LRP2: variants seen among roughly 807,000 people sequenced by gnomAD.
LRP2 encodes the protein LDL receptor related protein 2.
Under a neutral mutation model 531.0 loss-of-function variants are expected in LRP2, and 172 were observed. The ratio of observed to expected loss-of-function variants is 0.32; its 90% confidence interval spans 0.29 to 0.37. The LOEUF is 0.37. Ranked by LOEUF, LRP2 falls within the 10% of genes least tolerant of loss-of-function variation. The pLI is 1.00. For synonymous variants in LRP2, 1,992 were observed against 2,027.6 expected (o/e 0.98, Z 0.47); for missense variants, 5,167 against 5,868.3 (o/e 0.88, Z 3.90).
At chr2:169,316,254 T>G (rs1444253913) in intron 3 of LRP2, among the ~76,000 whole-genome samples, 1 of 152,106 alleles carries the variant, frequency 6.6e-6, no homozygotes, top group Non-Finnish European at 1.5e-5. Flanking sequence ...GGTGATTCAA[T>G]GTGGGCAGTG....
chr2:169,264,012 T>C (rs543644305), intron 16 of LRP2, among the ~76,000 whole-genome samples: 78 of 152,058 alleles, frequency 5.1e-4, no homozygotes, highest in Admixed American at 8.5e-4. Flanking sequence ...AACCAAACAC[T>C]GCATATTCTC....
At position 169,130,022 on chromosome 2, in the gene LRP2, T is replaced by C. The variant is rs144037485; in HGVS notation, c.13729-938A>G. ...TACAGAAGTAGAAGAGGTCTTCACT[T>C]TAACCCACATTCAAGTGAGAACCTG... is the stretch of plus-strand genomic sequence containing the variant. On this transcript the variant is annotated intron_variant, in intron 77 of 78. Coordinates refer to ENST00000649046, the MANE Select transcript of LRP2 (RefSeq NM_004525.3). Among the ~76,000 whole-genome samples the C allele has an allele frequency of 2.6e-3, 392 of 152,278 alleles. 3 individuals carry two copies. Among genetic ancestry groups the C allele is most frequent in the Non-Finnish European group, 4.2e-3 (283 of 68,014 alleles).
Position 169,290,861 on chromosome 2 carries a change from A to G in LRP2, c.906T>C (p.Ser302=). ...CPGREDENNT[S]TGKYCSMTLC... is the part of the protein sequence containing the mutation. ...TATACTCACTACAGTATTTTCCGGT[A>G]CTAGTGTTGTTTTCATCTTCTCTTC... Residue 302 remains serine, a synonymous_variant, in exon 8 of 79, where the codon AGT becomes AGC. Transcript: ENST00000649046. 6.2e-7 allele frequency: 1 copy of G among 1,614,116 alleles called. No homozygotes were observed. Among genetic ancestry groups the G allele is most frequent in the Non-Finnish European group, 8.5e-7 (1 of 1,179,990 alleles).
intron 49 of LRP2, 62 bp from the exon 50 acceptor site, chr2:169,186,081 T>C: frequency 2.1e-6 from 3 of 1,457,010 alleles, no homozygotes; most frequent in Non-Finnish European, 2.9e-6. Context: ...ACTATAATGG[T>C]TCAAAGTCAA....
chr2:169,262,943 A>G (rs36198025), intron 16 of LRP2, among the ~76,000 whole-genome samples: 37,260 of 152,080 alleles, frequency 0.25, 4,777 homozygotes, highest in South Asian at 0.32. Context: ...ATAACGCCGT[A>G]TATCTACAAC....
Position 169,362,451 on chromosome 2 carries a change from G to T in LRP2, c.-52C>A. 1 of 1,436,000 alleles carries T rather than the reference G, an allele frequency of 7.0e-7. No homozygotes were observed. Among genetic ancestry groups the T allele is most frequent in the South Asian group, 1.2e-5 (1 of 81,978 alleles). The allele number at this position is 1,436,000 out of a possible 1,614,324, so 89.0% of individuals were successfully genotyped here. ...TTCCTTCCCCGGGAGGTGGGCGCGC[G>T]TAGCACACCGCACCGGCAGCGCCTC... On this transcript the variant is annotated 5_prime_UTR_variant, in exon 1 of 79. Coordinates refer to ENST00000649046, the MANE Select transcript of LRP2 (RefSeq NM_004525.3).
intron 16 of LRP2, among the ~76,000 whole-genome samples, chr2:169,261,064 G>C (rs1315404544): frequency 6.6e-6 from 1 of 152,032 alleles, no homozygotes; most frequent in African/African-American, 2.4e-5. Context: ...CAAGAGGTGA[G>C]TAATCAGTGA....
rs112343092 is a variant in LRP2, at chr2:169,290,876, A to G, written c.891T>C (p.Asp297=). The change falls in exon 8 of 79, where the codon GAT becomes GAC. Residue 297 remains aspartate (D), a synonymous_variant. Transcript: ENST00000649046. ...ATTTTCCGGTACTAGTGTTGTTTTCATCTTCTCTTCCTGGGCAATCTAAAA... is the reference window on the plus strand; with the variant it reads ...ATTTTCCGGTACTAGTGTTGTTTTCGTCTTCTCTTCCTGGGCAATCTAAAA... ...DGILDCPGRE[D]ENNTSTGKYC... 1.6e-4 allele frequency: 258 copies of G among 1,614,142 alleles called. 1 individual carries two copies. In the African/African-American group the frequency reaches 2.5e-3, roughly 15 times the overall value.
Position 169,237,231 on chromosome 2 carries a change from A to T in LRP2, c.4563T>A (p.Arg1521=). ...GAGCATAGTCTGTCCAGTAAAGATT[A>T]CGACCTACCCAATCTATTGCAATAG... ...TETIAIDWVG[R]NLYWTDYALE... is the part of the protein sequence containing the mutation. Residue 1521 remains arginine, a synonymous_variant, in exon 28 of 79, where the codon CGT becomes CGA. Transcript: ENST00000649046. The T allele has an allele frequency of 1.2e-6, 2 of 1,613,944 alleles. No individual in the cohort carries two copies. Among genetic ancestry groups the T allele is most frequent in the Non-Finnish European group, 1.7e-6 (2 of 1,179,836 alleles).
Position 169,319,020 on chromosome 2 carries a change from T to C in LRP2, c.188-136A>G, listed in dbSNP as rs13386674. Reference sequence around the variant, plus strand: ...GAAGGCAAATAGTAAACAACCCTTATACTAGAGTCTGTGGACGCCAGTCAG... The same window carrying C: ...GAAGGCAAATAGTAAACAACCCTTACACTAGAGTCTGTGGACGCCAGTCAG... On this transcript the variant is annotated intron_variant, in intron 2 of 78. Coordinates refer to ENST00000649046, the MANE Select transcript of LRP2 (RefSeq NM_004525.3). The C allele has an allele frequency of 4.5e-3, 4,900 of 1,080,860 alleles. 143 individuals carry two copies. In the African/African-American group the frequency reaches 0.068, roughly 15 times the overall value. 67.0% of individuals were successfully genotyped at this position (1,080,860 alleles called of 1,614,324 possible). A position where few individuals can be genotyped will look rare whatever the true frequency, so the allele number is the denominator to read the frequency against.
At chr2:169,274,272 A>G (rs1446785547) in intron 14 of LRP2, among the ~76,000 whole-genome samples, 1 of 152,162 alleles carries the variant, frequency 6.6e-6, no homozygotes, top group Non-Finnish European at 1.5e-5. Flanking sequence ...CTCAAGCTAT[A>G]ACCTGGAAAC....
intron 1 of LRP2, among the ~76,000 whole-genome samples, chr2:169,330,745 C>T (rs981716777): frequency 2.6e-5 from 4 of 152,070 alleles, no homozygotes; most frequent in Admixed American, 1.3e-4. Context: ...ACATCTATGC[C>T]GCTTGAGAGT....
Position 169,279,561 on chromosome 2 carries a change from T to C in LRP2, c.1376A>G (p.Gln459Arg). The C allele has an allele frequency of 6.2e-7, 1 of 1,613,780 alleles. No individual in the cohort carries two copies. Among genetic ancestry groups the C allele is most frequent in the Non-Finnish European group, 8.5e-7 (1 of 1,179,730 alleles). ...FSVDINGLNI[Q>R]EVLNVSVETP... ...TTCAACAGAAACATTGAGAACCTCTTGGATATTTAAACCATTAATGTCAAC... is the reference window on the plus strand; with the variant it reads ...TTCAACAGAAACATTGAGAACCTCTCGGATATTTAAACCATTAATGTCAAC... Residue 459 changes from glutamine to arginine, a missense_variant, in exon 12 of 79, where the codon CAA (glutamine) becomes CGA (arginine). Physicochemically the swap from Gln to Arg is conservative, Grantham distance 43. Coordinates refer to ENST00000649046, the MANE Select transcript of LRP2 (RefSeq NM_004525.3).
chr2:169,271,771 C>G, intron 15 of LRP2: 1 of 770,122 alleles, frequency 1.3e-6, no homozygotes, highest in Non-Finnish European at 1.6e-6. Context: ...GAGATCTACA[C>G]CAAGAACCTT....
Position 169,292,356 on chromosome 2 carries a change from G to A in LRP2, c.666C>T (p.Cys222=), listed in dbSNP as rs746905339. ...TGGGGCAAGTGAACTGGTAACCACC[G>A]CAGGTCGGATAGTCTGGAATAAAGC... ...SDEHACNYPT[C]GGYQFTCPSG... is the part of the protein sequence containing the mutation. The change falls in exon 7 of 79, where the codon TGC becomes TGT. Residue 222 remains cysteine, a synonymous_variant. Coordinates refer to ENST00000649046, the MANE Select transcript of LRP2 (RefSeq NM_004525.3). 21 of 1,612,098 alleles carry A rather than the reference G, an allele frequency of 1.3e-5. No homozygotes were observed. In the African/African-American group the frequency reaches 1.7e-4, roughly 13 times the overall value.
chr2:169,237,025 T>C (rs1025460709), intron 28 of LRP2, 78 bp downstream of exon 28: 2 of 1,227,022 alleles, frequency 1.6e-6, no homozygotes, highest in Admixed American at 3.4e-5. Context: ...AACATGCATA[T>C]CAGCTACATC....
intron 67 of LRP2, 117 bp downstream of exon 67, chr2:169,152,682 C>T: frequency 8.6e-7 from 1 of 1,168,918 alleles, no homozygotes. Flanking sequence ...CCCAGCTGCA[C>T]CCATGGCTGA....
intron 1 of LRP2, among the ~76,000 whole-genome samples, chr2:169,325,123 C>A (rs185418946): frequency 6.6e-6 from 1 of 151,644 alleles, no homozygotes; most frequent in East Asian, 1.9e-4. Flanking sequence ...ATTCTTTTAC[C>A]CGTTCCTTGT....
In LRP2 at chr2:169,234,790, G is replaced by C. The variant is rs1017406664; in HGVS notation, c.4920+1050C>G. On this transcript the variant is annotated intron_variant, in intron 29 of 78. Coordinates refer to ENST00000649046, the MANE Select transcript of LRP2 (RefSeq NM_004525.3). Reference sequence around the variant, plus strand: ...TAATGGGGGTCAATAACAGCTCTTTGATAAAATATCTATTTTCTTTATTTT... The same window carrying C: ...TAATGGGGGTCAATAACAGCTCTTTCATAAAATATCTATTTTCTTTATTTT... 5.3e-5 allele frequency among the ~76,000 whole-genome samples: 8 copies of C among 152,088 alleles called. No homozygotes were observed. The South Asian group carries it at 1.7e-3, about 32-fold the overall frequency.
Sources: gnomAD v4.1 joint callset for allele counts (sites outside exome capture counted in the v4.1 genomes callset) on GRCh38, gnomAD v4.1.1 for gene constraint, MANE v1.5 for transcripts, NCBI Gene and HGNC (gene_info 2026-07-23, HGNC 2026-07-21) for gene names.